Variants in CSMD3 observed in about 807,000 individuals in gnomAD.
CSMD3 encodes the protein CUB and Sushi multiple domains 3, also known as CUB and sushi domain-containing protein 3.
CSMD3 carries 177 observed loss-of-function variants against 435.2 expected under a neutral mutation model. The observed-to-expected ratio is 0.41, with a 90% CI of 0.36 to 0.46. The LOEUF (loss-of-function observed/expected upper bound fraction) is 0.46, where lower values mean the gene tolerates loss of function less well. Among genes scored for constraint, CSMD3 ranks in the 20% least tolerant of loss-of-function variants. CSMD3 has a pLI of 0.34. For synonymous variants in CSMD3, 1,656 were observed against 1,520.5 expected (o/e 1.09, Z -2.07); for missense variants, 4,265 against 4,504.6 (o/e 0.95, Z 1.52).
intron 3 of CSMD3, among the ~76,000 whole-genome samples, chr8:113,209,535 G>C (rs1026596091): frequency 6.6e-6 from 1 of 152,088 alleles, no homozygotes; most frequent in African/African-American, 2.4e-5. Context: ...TTAAAAGTAT[G>C]AATTGGTCTA....
intron 3 of CSMD3, among the ~76,000 whole-genome samples, chr8:113,187,347 G>A (rs1437452290): frequency 1.3e-5 from 2 of 151,796 alleles, no homozygotes; most frequent in African/African-American, 4.8e-5. Flanking sequence ...TAGAGTCACT[G>A]TCACCTCATC....
rs375945756 is a variant in CSMD3 at position 113,056,826 on chromosome 8, T to C, written c.918-37647A>G. Among the ~76,000 whole-genome samples, 4 of 152,294 alleles carry C rather than the reference T, an allele frequency of 2.6e-5. No homozygotes were observed. In the East Asian group the frequency reaches 5.8e-4, roughly 22 times the overall value. On this transcript the variant is annotated intron_variant, in intron 5 of 70. Coordinates refer to ENST00000297405, the MANE Select transcript of CSMD3 (RefSeq NM_198123.2). ...AATAGCCAAAGCATTTTTTATAACC[T>C]ATGTGTCACTGCTATGCTTAACTTC... is the stretch of plus-strand genomic sequence containing the variant.
chr8:112,506,629 C>T (rs1011621015), intron 29 of CSMD3, 62 bp downstream of exon 29: 1 of 1,541,662 alleles, frequency 6.5e-7, no homozygotes, highest in South Asian at 1.1e-5. Context: ...AGTACAAATG[C>T]TAAAGCAAAA....
intron 22 of CSMD3, among the ~76,000 whole-genome samples, chr8:112,602,567 A>T (rs1289684613): frequency 3.7e-5 from 1 of 26,898 alleles, no homozygotes; most frequent in African/African-American, 3.1e-4. Flanking sequence ...ACTCTGTCTC[A>T]AAAAAAAAAA....
At chr8:112,238,309 A>C (rs530830179) in intron 66 of CSMD3, among the ~76,000 whole-genome samples, 1 of 152,038 alleles carries the variant, frequency 6.6e-6, no homozygotes, top group Non-Finnish European at 1.5e-5. Flanking sequence ...ATGATTTTTC[A>C]TCTGATATAT....
intron 8 of CSMD3, among the ~76,000 whole-genome samples, chr8:112,950,456 A>G (rs2083767988): frequency 6.6e-6 from 1 of 152,012 alleles, no homozygotes; most frequent in Non-Finnish European, 1.5e-5. Flanking sequence ...ATACATTATT[A>G]GAAAATAGAA....
chr8:113,179,070 C>T (rs536321956), intron 3 of CSMD3, among the ~76,000 whole-genome samples: 51 of 151,718 alleles, frequency 3.4e-4, no homozygotes, highest in African/African-American at 1.2e-3. Flanking sequence ...TAATTTAATA[C>T]TAATTCAATG....
At chr8:113,182,270 A>C (rs139804260) in intron 3 of CSMD3, among the ~76,000 whole-genome samples, 1 of 152,182 alleles carries the variant, frequency 6.6e-6, no homozygotes, top group African/African-American at 2.4e-5. Flanking sequence ...GAGATAAGTA[A>C]GTTTTTAGTT....
intron 5 of CSMD3, among the ~76,000 whole-genome samples, chr8:113,093,012 T>C (rs1204865113): frequency 6.6e-6 from 1 of 152,116 alleles, no homozygotes; most frequent in Admixed American, 6.6e-5. Flanking sequence ...AGATTATCAA[T>C]GATGTCAAAT....
chr8:113,162,589 A>C (rs1404460050), intron 4 of CSMD3, among the ~76,000 whole-genome samples: 7 of 151,782 alleles, frequency 4.6e-5, no homozygotes, highest in African/African-American at 1.2e-4. Context: ...AAAAAAAAAA[A>C]AAAACTTGTT....
intron 5 of CSMD3, among the ~76,000 whole-genome samples, chr8:113,086,934 G>A (rs1329892950): frequency 1.3e-5 from 2 of 152,084 alleles, no homozygotes; most frequent in Non-Finnish European, 2.9e-5. Context: ...TTCCAACAAG[G>A]CAAAGTGTAA....
intron 5 of CSMD3, among the ~76,000 whole-genome samples, chr8:113,067,767 G>T (rs1276029110): frequency 1.3e-5 from 2 of 151,998 alleles, no homozygotes; most frequent in Non-Finnish European, 2.9e-5. Flanking sequence ...TATAAGTTCA[G>T]CACCAAGAAA....
At chr8:112,368,317 G>A (rs1492659) in intron 38 of CSMD3, among the ~76,000 whole-genome samples, 5,766 of 152,226 alleles carry the variant, frequency 0.038, 357 homozygotes, top group African/African-American at 0.13. Flanking sequence ...CATTGTGAGA[G>A]TCACTTTGGG....
At chr8:112,627,723 A>C (rs563159088) in intron 22 of CSMD3, among the ~76,000 whole-genome samples, 1 of 152,164 alleles carries the variant, frequency 6.6e-6, no homozygotes, top group Non-Finnish European at 1.5e-5. Context: ...CATGAGAATC[A>C]ATGAAACCCT....
At chr8:113,400,031 G>C (rs576995702) in intron 1 of CSMD3, among the ~76,000 whole-genome samples, 7 of 151,764 alleles carry the variant, frequency 4.6e-5, no homozygotes, top group Non-Finnish European at 1.0e-4. Context: ...GAAAGGCAAT[G>C]GTGACAGAGT....
chr8:112,661,682 A>C (rs549571036), intron 17 of CSMD3, among the ~76,000 whole-genome samples: 9 of 152,254 alleles, frequency 5.9e-5, no homozygotes, highest in Admixed American at 2.6e-4. Flanking sequence ...TAGTCATATT[A>C]TTTTTGGCTT....
intron 32 of CSMD3, among the ~76,000 whole-genome samples, chr8:112,458,621 C>T (rs1025007088): frequency 2.2e-4 from 34 of 152,138 alleles, no homozygotes; most frequent in African/African-American, 7.2e-4. Flanking sequence ...AGGCAAAAGG[C>T]CAAGACTGCC....
chr8:112,817,288 G>C (rs1015153996), intron 12 of CSMD3, among the ~76,000 whole-genome samples: 1 of 151,974 alleles, frequency 6.6e-6, no homozygotes, highest in African/African-American at 2.4e-5. Flanking sequence ...AGATGAAAAG[G>C]GTAGACTAAT....
intron 13 of CSMD3, among the ~76,000 whole-genome samples, chr8:112,746,182 T>C (rs2077421332): frequency 6.6e-6 from 1 of 152,204 alleles, no homozygotes; most frequent in African/African-American, 2.4e-5. Flanking sequence ...CTGACGCTTT[T>C]GGCTATTTTT....
Sources: allele counts gnomAD v4.1 joint callset (sites outside exome capture counted in the v4.1 genomes callset), GRCh38; gene constraint gnomAD v4.1.1; transcripts MANE v1.5; gene names NCBI Gene and HGNC (gene_info 2026-07-23, HGNC 2026-07-21).